NRXN3: variants seen among roughly 807,000 people sequenced by gnomAD.
The protein encoded by NRXN3 is neurexin 3.
In NRXN3, 32 loss-of-function variants were observed where a neutral mutation model predicts 137.6. The observed-to-expected ratio is 0.23, with a 90% confidence interval of 0.18 to 0.31. The LOEUF is 0.31. Among genes scored for constraint, NRXN3 ranks in the 10% least tolerant of loss-of-function variants. NRXN3 has a pLI of 1.00. For synonymous variants in NRXN3, 798 were observed against 784.5 expected (o/e 1.02, Z -0.29); for missense variants, 1,574 against 2,062.5 (o/e 0.76, Z 4.59).
intron 2 of NRXN3, among the ~76,000 whole-genome samples, chr14:78,271,487 A>C (rs1164549893): frequency 2.8e-4 from 34 of 122,728 alleles, no homozygotes; most frequent in Non-Finnish European, 4.5e-4. Context: ...AAAAAAAAAA[A>C]AAAACAAAAG....
intron 19 of NRXN3, among the ~76,000 whole-genome samples, chr14:79,751,384 G>A (rs1459138696): frequency 5.3e-5 from 8 of 151,438 alleles, no homozygotes; most frequent in Admixed American, 5.3e-4. Flanking sequence ...TCTGTTGTTG[G>A]TGTATAAGAA....
intron 19 of NRXN3, among the ~76,000 whole-genome samples, chr14:79,732,405 G>A (rs1019914332): frequency 2.0e-5 from 3 of 152,128 alleles, no homozygotes; most frequent in Admixed American, 6.6e-5. Context: ...ATAGGGAAAG[G>A]GCCGTTTCAC....
intron 4 of NRXN3, among the ~76,000 whole-genome samples, chr14:78,340,552 C>T (rs929826425): frequency 2.0e-5 from 3 of 152,106 alleles, no homozygotes; most frequent in Non-Finnish European, 4.4e-5. Flanking sequence ...ACATCCAGGG[C>T]CTTAGTGTTG....
At chr14:79,575,164 A>G (rs2097652683) in intron 16 of NRXN3, among the ~76,000 whole-genome samples, 1 of 152,136 alleles carries the variant, frequency 6.6e-6, no homozygotes, top group Non-Finnish European at 1.5e-5. Flanking sequence ...TAGGCGGAAA[A>G]CACCATCAAT....
chr14:78,427,849 C>T (rs951271222), intron 4 of NRXN3, among the ~76,000 whole-genome samples: 2 of 152,184 alleles, frequency 1.3e-5, no homozygotes, highest in Non-Finnish European at 2.9e-5. Context: ...TACCCATTAG[C>T]CAGAGGCATT....
intron 20 of NRXN3, among the ~76,000 whole-genome samples, chr14:79,857,407 A>G (rs1471745771): frequency 6.6e-6 from 1 of 152,044 alleles, no homozygotes; most frequent in East Asian, 1.9e-4. Flanking sequence ...TATTTTTAGT[A>G]GAGATGGGGT....
chr14:78,775,452 C>T (rs1401959493), intron 8 of NRXN3, among the ~76,000 whole-genome samples: 1 of 152,192 alleles, frequency 6.6e-6, no homozygotes, highest in Non-Finnish European at 1.5e-5. Context: ...CTCCTTAAAA[C>T]ATCGAGGTTT....
chr14:78,683,849 T>C (rs1351120934), intron 6 of NRXN3, among the ~76,000 whole-genome samples: 1 of 152,238 alleles, frequency 6.6e-6, no homozygotes, highest in African/African-American at 2.4e-5. Flanking sequence ...ATTTATGATA[T>C]GTTAAAATTT....
chr14:79,843,495 A>G (rs2099360510), intron 20 of NRXN3, among the ~76,000 whole-genome samples: 1 of 152,182 alleles, frequency 6.6e-6, no homozygotes, highest in Non-Finnish European at 1.5e-5. Flanking sequence ...TGTTTGCTGC[A>G]CTGACTGATT....
chr14:79,757,165 G>A (rs998214578), intron 19 of NRXN3, among the ~76,000 whole-genome samples: 2 of 152,136 alleles, frequency 1.3e-5, no homozygotes, highest in African/African-American at 4.8e-5. Context: ...CTGATTAATT[G>A]CAGCTGTGTG....
At chr14:78,376,021 TAC>T (rs1054869113) in intron 4 of NRXN3, among the ~76,000 whole-genome samples, 1 of 147,972 alleles carries the variant, frequency 6.8e-6, no homozygotes, top group African/African-American at 2.5e-5. Context: ...CACACACACA[TAC>T]ACACACACAC....
At chr14:79,297,628 G>A (rs1279330144) in intron 15 of NRXN3, among the ~76,000 whole-genome samples, 1 of 152,108 alleles carries the variant, frequency 6.6e-6, no homozygotes, top group Non-Finnish European at 1.5e-5. Context: ...ACAAGAGACT[G>A]AATTTGGAAG....
At chr14:78,678,391 A>G (rs553521436) in intron 6 of NRXN3, among the ~76,000 whole-genome samples, 4 of 151,566 alleles carry the variant, frequency 2.6e-5, no homozygotes, top group African/African-American at 9.7e-5. Context: ...GGGCTCAAGC[A>G]ATTGACTCAG....
At chr14:79,066,658 T>C (rs1371310436) in intron 15 of NRXN3, among the ~76,000 whole-genome samples, 1 of 152,062 alleles carries the variant, frequency 6.6e-6, no homozygotes, top group African/African-American at 2.4e-5. Context: ...TGGTTTGTAA[T>C]TCTCCTTAAA....
intron 4 of NRXN3, among the ~76,000 whole-genome samples, chr14:78,610,857 G>A (rs1311045699): frequency 6.6e-6 from 1 of 152,194 alleles, no homozygotes; most frequent in Non-Finnish European, 1.5e-5. Context: ...TGAGTTGAGA[G>A]GAAATGCAGA....
chr14:79,132,700 G>A (rs938073123), intron 15 of NRXN3, among the ~76,000 whole-genome samples: 12 of 152,240 alleles, frequency 7.9e-5, no homozygotes, highest in African/African-American at 2.6e-4. Flanking sequence ...AACAAAACAA[G>A]AAACCACCAG....
At chr14:78,635,208 G>T (rs953284825) in intron 4 of NRXN3, among the ~76,000 whole-genome samples, 1 of 152,156 alleles carries the variant, frequency 6.6e-6, no homozygotes, top group Admixed American at 6.5e-5. Flanking sequence ...TGATACTATG[G>T]TGATAATTGT....
intron 4 of NRXN3, among the ~76,000 whole-genome samples, chr14:78,352,795 T>G (rs1212803611): frequency 1.3e-5 from 2 of 152,222 alleles, no homozygotes; most frequent in Non-Finnish European, 2.9e-5. Flanking sequence ...GGCTATCAGC[T>G]GGGCAGGCCC....
intron 15 of NRXN3, among the ~76,000 whole-genome samples, chr14:79,137,827 G>T (rs918351519): frequency 1.3e-5 from 2 of 151,880 alleles, no homozygotes; most frequent in South Asian, 4.2e-4. Context: ...TGATATTAGG[G>T]TATAGGACAG....
Sources: allele counts gnomAD v4.1 joint callset (sites outside exome capture counted in the v4.1 genomes callset), GRCh38; gene constraint gnomAD v4.1.1; transcripts MANE v1.5; gene names NCBI Gene and HGNC (gene_info 2026-07-23, HGNC 2026-07-21).